OPCML: variants seen among roughly 807,000 people sequenced by gnomAD.
The protein encoded by OPCML is opioid binding protein/cell adhesion molecule like, also known as opioid-binding protein/cell adhesion molecule.
In OPCML, 13 loss-of-function variants were observed where a neutral mutation model predicts 37.8. That is an observed-to-expected ratio of 0.34 (90% confidence interval 0.22 to 0.55). The LOEUF (loss-of-function observed/expected upper bound fraction) is 0.55. Ranked by LOEUF, OPCML falls within the 20% of genes least tolerant of loss-of-function variation. OPCML has a pLI of 0.91. For missense variants in OPCML, 341 were observed against 435.6 expected, an observed-to-expected ratio of 0.78 and a Z score of 1.93; for synonymous variants, 176 against 168.8, an observed-to-expected ratio of 1.04 and a Z score of -0.33.
At chr11:132,865,035 C>A (rs1308692046) in intron 2 of OPCML, among the ~76,000 whole-genome samples, 1 of 152,248 alleles carries the variant, frequency 6.6e-6, no homozygotes, top group Non-Finnish European at 1.5e-5. Flanking sequence ...GCAAGTCAGG[C>A]CGCTTTGCTG....
rs550505549 is a variant in OPCML at position 132,419,309 on chromosome 11, A to G, written c.*884T>C. On this transcript the variant is annotated 3_prime_UTR_variant, in exon 8 of 8. Transcript: ENST00000524381. The stretch of plus-strand genomic sequence containing the variant: ...ACAGTAAATAGATTGCTAGAGAGGA[A>G]GACAGGTGGGTAGATAATTGGATGG... 6.6e-6 allele frequency: 1 copy of G among 152,348 alleles called. No individual in the cohort carries two copies. The highest frequency in any genetic ancestry group is 1.9e-4 in the East Asian group (1 of 5,188). The allele number at this position is 152,348 out of a possible 1,614,324, so 9.4% of individuals were successfully genotyped here. A position where few individuals can be genotyped will look rare whatever the true frequency, so the allele number is the denominator to read the frequency against.
intron 1 of OPCML, among the ~76,000 whole-genome samples, chr11:133,123,648 C>T (rs1949453927): frequency 6.6e-6 from 1 of 151,952 alleles, no homozygotes; most frequent in Admixed American, 6.6e-5. Flanking sequence ...TGGATGGGTT[C>T]TTGGAGAGTT....
At chr11:133,015,824 T>C (rs1219940302) in intron 1 of OPCML, among the ~76,000 whole-genome samples, 1 of 152,182 alleles carries the variant, frequency 6.6e-6, no homozygotes, top group African/African-American at 2.4e-5. Context: ...ACTCTGCCCT[T>C]GCTCCTGCTG....
In OPCML at chr11:132,712,754, C is replaced by G. The variant is rs558923241; in HGVS notation, c.147-55435G>C. Among the ~76,000 whole-genome samples the G allele has an allele frequency of 9.8e-5, 15 of 152,346 alleles. No individual in the cohort carries two copies. In the East Asian group the frequency reaches 2.7e-3, roughly 27 times the overall value. ...AAGCAATTTCAGCTCTCGCTTCTGG[C>G]AAGGTTTCCAGTTTTGAGGCAGAGC... On this transcript the variant is annotated intron_variant, in intron 2 of 7. Transcript: ENST00000524381.
At chr11:133,450,492 A>T (rs1276635704) in intron 1 of OPCML, among the ~76,000 whole-genome samples, 1 of 151,546 alleles carries the variant, frequency 6.6e-6, no homozygotes, top group East Asian at 1.9e-4. Context: ...TAATATGGAG[A>T]CTGGGCAGGA....
At chr11:132,782,917 G>GTATATATATATATATATA (rs59984496) in intron 2 of OPCML, among the ~76,000 whole-genome samples, 2 of 125,088 alleles carry the variant, frequency 1.6e-5, no homozygotes, top group Non-Finnish European at 3.4e-5. Context: ...TATAGTGTGT[G>GTATATATATATATATATA]TATATATATA....
intron 2 of OPCML, among the ~76,000 whole-genome samples, chr11:132,792,692 C>A (rs1317477082): frequency 6.6e-6 from 1 of 152,124 alleles, no homozygotes; most frequent in Non-Finnish European, 1.5e-5. Context: ...GGATGGGCGG[C>A]CCCCACCTGC....
At chr11:133,050,969 C>A (rs1463161930) in intron 1 of OPCML, among the ~76,000 whole-genome samples, 5 of 151,988 alleles carry the variant, frequency 3.3e-5, no homozygotes, top group Non-Finnish European at 7.4e-5. Context: ...CTCTCTGTCC[C>A]CAGAATGTTA....
chr11:133,209,457 C>T (rs1164635378), intron 1 of OPCML, among the ~76,000 whole-genome samples: 2 of 151,792 alleles, frequency 1.3e-5, no homozygotes, highest in East Asian at 3.9e-4. Flanking sequence ...ATGGCACACC[C>T]ATCCAAAGAA....
chr11:133,432,210 C>T (rs578026739), intron 1 of OPCML, among the ~76,000 whole-genome samples: 2 of 151,968 alleles, frequency 1.3e-5, no homozygotes, highest in African/African-American at 2.4e-5. Context: ...AATTTACCCA[C>T]GTAACACTCT....
chr11:132,583,870 T>A (rs2096467052), intron 3 of OPCML, among the ~76,000 whole-genome samples: 1 of 152,080 alleles, frequency 6.6e-6, no homozygotes, highest in Non-Finnish European at 1.5e-5. Flanking sequence ...CACCTCGGCC[T>A]CCCAAAGTGC....
chr11:133,501,787 C>A (rs919911757), intron 1 of OPCML, among the ~76,000 whole-genome samples: 1 of 152,022 alleles, frequency 6.6e-6, no homozygotes, highest in Admixed American at 6.5e-5. Context: ...GTCACATAAC[C>A]TCCTCCACAG....
At chr11:132,973,384 GAC>G (rs1946385404) in intron 1 of OPCML, among the ~76,000 whole-genome samples, 18 of 152,198 alleles carry the variant, frequency 1.2e-4, no homozygotes, top group Admixed American at 1.1e-3. Flanking sequence ...ATGCATCTTT[GAC>G]CATTTTGCAA....
chr11:133,418,759 G>T (rs562802546), intron 1 of OPCML, among the ~76,000 whole-genome samples: 9 of 152,324 alleles, frequency 5.9e-5, no homozygotes, highest in Non-Finnish European at 1.0e-4. Context: ...CTAAGATGTA[G>T]GCGTGGTTAA....
chr11:132,433,220 A>G (rs574728232), intron 7 of OPCML, among the ~76,000 whole-genome samples: 38 of 152,326 alleles, frequency 2.5e-4, no homozygotes, highest in Admixed American at 2.0e-3. Flanking sequence ...CCATGTCACA[A>G]TAAGTGTTGG....
At chr11:132,580,554 T>G (rs1283389761) in intron 3 of OPCML, among the ~76,000 whole-genome samples, 1 of 152,210 alleles carries the variant, frequency 6.6e-6, no homozygotes, top group African/African-American at 2.4e-5. Flanking sequence ...GTGTATATTT[T>G]TAATAAACCA....
chr11:132,462,894 C>T (rs1342136794), intron 4 of OPCML, among the ~76,000 whole-genome samples: 1 of 152,120 alleles, frequency 6.6e-6, no homozygotes, highest in Non-Finnish European at 1.5e-5. Context: ...ACAGGGGTAG[C>T]AAGGATGAAC....
chr11:133,216,317 A>T (rs1485496116), intron 1 of OPCML, among the ~76,000 whole-genome samples: 1 of 152,252 alleles, frequency 6.6e-6, no homozygotes, highest in Non-Finnish European at 1.5e-5. Context: ...CCCAGTTATG[A>T]AAGAGAAATG....
chr11:133,494,963 G>A (rs1947750153), intron 1 of OPCML, among the ~76,000 whole-genome samples: 1 of 152,000 alleles, frequency 6.6e-6, no homozygotes, highest in South Asian at 2.1e-4. Context: ...TTGGTTACAT[G>A]AGTAACTTCT....
Sources: allele counts gnomAD v4.1 joint callset (sites outside exome capture counted in the v4.1 genomes callset), GRCh38; gene constraint gnomAD v4.1.1; transcripts MANE v1.5; gene names NCBI Gene and HGNC (gene_info 2026-07-23, HGNC 2026-07-21).